Variants in COL24A1 observed in about 807,000 individuals in gnomAD.
The protein encoded by COL24A1 is collagen alpha-1(XXIV) chain.
In COL24A1, 224 loss-of-function variants were observed where a neutral mutation model predicts 253.9. The ratio of observed to expected loss-of-function variants is 0.88; its 90% CI spans 0.79 to 0.99. The LOEUF (loss-of-function observed/expected upper bound fraction) is 0.99, where lower values mean the gene tolerates loss of function less well. Ranked by LOEUF, COL24A1 falls within the 50% of genes least tolerant of loss-of-function variation. The pLI, the probability that COL24A1 is intolerant of heterozygous loss-of-function variation, is 0.00. For synonymous variants in COL24A1, 685 were observed against 673.7 expected, an observed-to-expected ratio of 1.02 and a Z score of -0.26; for missense variants, 2,131 against 2,068.5, an observed-to-expected ratio of 1.03 and a Z score of -0.59.
chr1:85,892,946 T>C lies in COL24A1; in HGVS notation c.2922+2912A>G, dbSNP rs147264578. On this transcript the variant is annotated intron_variant, in intron 31 of 59. Coordinates refer to ENST00000370571, the MANE Select transcript of COL24A1 (RefSeq NM_152890.7). Reference sequence around the variant, plus strand: ...AACAGAAGACATTGAACAATAACAATAAAAAGGACACAAAGAAAAACAGAT... The same window carrying C: ...AACAGAAGACATTGAACAATAACAACAAAAAGGACACAAAGAAAAACAGAT... 3.4e-4 allele frequency among the ~76,000 whole-genome samples: 52 copies of C among 151,798 alleles called. 1 individual carries two copies. The highest frequency in any genetic ancestry group is 1.1e-3 in the African/African-American group (47 of 41,398).
At chr1:85,771,275 C>T (rs1356927123) in intron 53 of COL24A1, among the ~76,000 whole-genome samples, 5 of 152,004 alleles carry the variant, frequency 3.3e-5, no homozygotes, top group South Asian at 2.1e-4. Flanking sequence ...CGACAGGCCC[C>T]GGTGTGTGAT....
chr1:85,786,766 G>A (rs1473641533), intron 47 of COL24A1, among the ~76,000 whole-genome samples: 1 of 152,128 alleles, frequency 6.6e-6, no homozygotes, highest in Non-Finnish European at 1.5e-5. Context: ...TATGTTTGTT[G>A]TGTTCTAACT....
At chr1:86,019,055 T>C (rs1190130062) in intron 18 of COL24A1, among the ~76,000 whole-genome samples, 2 of 152,160 alleles carry the variant, frequency 1.3e-5, no homozygotes, top group African/African-American at 2.4e-5. Context: ...GTAGGATCTA[T>C]AAAATAGGGA....
At chr1:85,854,078 AAG>A (rs1324972574) in intron 37 of COL24A1, among the ~76,000 whole-genome samples, 1 of 152,128 alleles carries the variant, frequency 6.6e-6, no homozygotes, top group Non-Finnish European at 1.5e-5. Flanking sequence ...GTTCTCTTCT[AAG>A]GTTTTTATAG....
At chr1:85,812,723 T>C (rs1672670851) in intron 47 of COL24A1, among the ~76,000 whole-genome samples, 3 of 152,168 alleles carry the variant, frequency 2.0e-5, no homozygotes, top group Admixed American at 2.0e-4. Flanking sequence ...ATAGAGTAGG[T>C]TCTCAATAAT....
intron 24 of COL24A1, among the ~76,000 whole-genome samples, chr1:85,941,705 G>A (rs1688773205): frequency 1.3e-5 from 2 of 152,130 alleles, no homozygotes; most frequent in African/African-American, 2.4e-5. Flanking sequence ...GTACCACTAA[G>A]AAACTATTTC....
At chr1:85,838,483 T>C in intron 43 of COL24A1, 102 bp downstream of exon 43, 1 of 1,001,460 alleles carries the variant, frequency 1.0e-6, no homozygotes, top group Non-Finnish European at 1.6e-6. Context: ...ATTAAAAACA[T>C]AAGACATTAC....
At chr1:86,009,298 T>C (rs1045193171) in intron 19 of COL24A1, among the ~76,000 whole-genome samples, 2 of 152,134 alleles carry the variant, frequency 1.3e-5, no homozygotes, top group Admixed American at 6.5e-5. Flanking sequence ...AGTACAGACA[T>C]AGATCCAAGA....
chr1:86,062,693 TC>T (rs1170507386), intron 8 of COL24A1, among the ~76,000 whole-genome samples: 3 of 152,124 alleles, frequency 2.0e-5, no homozygotes, highest in African/African-American at 7.2e-5. Flanking sequence ...ACCCTTCTCA[TC>T]TTTTTCTCCC....
At chr1:85,821,710 A>G (rs1365943910) in intron 45 of COL24A1, among the ~76,000 whole-genome samples, 1 of 152,218 alleles carries the variant, frequency 6.6e-6, no homozygotes, top group African/African-American at 2.4e-5. Flanking sequence ...TGGATTATAC[A>G]GAATTTAAAC....
At chr1:85,987,474 G>A (rs1297246403) in intron 20 of COL24A1, 127 bp downstream of exon 20, 3 of 807,134 alleles carry the variant, frequency 3.7e-6, no homozygotes, top group South Asian at 1.7e-5. Context: ...TTTATTAAAT[G>A]TACCTGAGAC....
intron 19 of COL24A1, among the ~76,000 whole-genome samples, chr1:85,999,621 CTAAAATAAAATAAAGTAAAA>C (rs1205123391): frequency 3.1e-5 from 4 of 127,630 alleles, no homozygotes; most frequent in East Asian, 2.9e-4. Context: ...CCCTGTCTCA[CTAAAATAAAATAAAGTAAAA>C]TAAAATAAAA....
intron 47 of COL24A1, among the ~76,000 whole-genome samples, chr1:85,801,522 T>A (rs983510841): frequency 6.6e-6 from 1 of 152,244 alleles, no homozygotes; most frequent in African/African-American, 2.4e-5. Context: ...CAGTTCCTGA[T>A]CTCAACTTGA....
At chr1:85,836,043 G>A (rs1187007423) in intron 43 of COL24A1, among the ~76,000 whole-genome samples, 1 of 152,162 alleles carries the variant, frequency 6.6e-6, no homozygotes, top group Non-Finnish European at 1.5e-5. Context: ...AGAATAATCT[G>A]AATGAACAGT....
rs146372047 is a variant in COL24A1 at position 85,844,811 on chromosome 1, T to C, written c.3463-2418A>G. Among the ~76,000 whole-genome samples the C allele has an allele frequency of 3.9e-5, 6 of 152,062 alleles. No individual in the cohort carries two copies. The East Asian group carries it at 1.2e-3, about 29-fold the overall frequency. ...CAAAATTTGAAAAGAAAGCCAAAGATCTACTGCTAATAAAATAACATTTGG... is the reference window on the plus strand; with the variant it reads ...CAAAATTTGAAAAGAAAGCCAAAGACCTACTGCTAATAAAATAACATTTGG... On this transcript the variant is annotated intron_variant, in intron 39 of 59. Coordinates refer to ENST00000370571, the MANE Select transcript of COL24A1 (RefSeq NM_152890.7).
At chr1:86,154,115 C>T (rs1486998384) in intron 1 of COL24A1, 1 of 152,306 alleles carries the variant, frequency 6.6e-6, no homozygotes, top group East Asian at 1.9e-4. Context: ...CATTATAAAT[C>T]AGCTACTTCT....
intron 24 of COL24A1, among the ~76,000 whole-genome samples, chr1:85,955,283 C>T (rs186369946): frequency 8.2e-4 from 125 of 152,320 alleles, no homozygotes; most frequent in African/African-American, 2.9e-3. Context: ...TTTGGCTCCC[C>T]ATCTGGCTTG....
At chr1:86,007,035 G>A (rs566643107) in intron 19 of COL24A1, among the ~76,000 whole-genome samples, 37 of 149,918 alleles carry the variant, frequency 2.5e-4, no homozygotes, top group African/African-American at 7.8e-4. Flanking sequence ...AACATAGTGA[G>A]ACCTTGTCTC....
chr1:85,894,257 T>C (rs139665254), intron 31 of COL24A1, among the ~76,000 whole-genome samples: 2 of 152,344 alleles, frequency 1.3e-5, no homozygotes, highest in African/African-American at 4.8e-5. Flanking sequence ...ATATTTAATG[T>C]CCAACCATGT....
Sources: gnomAD v4.1 joint callset for allele counts (sites outside exome capture counted in the v4.1 genomes callset) on GRCh38, gnomAD v4.1.1 for gene constraint, MANE v1.5 for transcripts, NCBI Gene and HGNC (gene_info 2026-07-23, HGNC 2026-07-21) for gene names.